The following CEP44 variants were observed in gnomAD, a reference collection of about 807,000 sequenced individuals.
CEP44 encodes centrosomal protein of 44 kDa.
A neutral mutation model predicts 46.7 loss-of-function variants in CEP44; 45 were observed. That is an observed-to-expected ratio of 0.96 (90% CI 0.76 to 1.24). The LOEUF (loss-of-function observed/expected upper bound fraction) is 1.24, where lower values mean the gene tolerates loss of function less well. Ranked by LOEUF, CEP44 falls within the 50% of genes most tolerant of loss-of-function variation. CEP44 has a pLI of 0.00. For synonymous variants in CEP44, 142 were observed against 146.0 expected (o/e 0.97, Z 0.20); for missense variants, 475 against 459.7 (o/e 1.03, Z -0.30).
intron 1 of CEP44, among the ~76,000 whole-genome samples, chr4:174,293,129 G>A (rs1738430185): frequency 6.6e-6 from 1 of 152,214 alleles, no homozygotes; most frequent in Admixed American, 6.5e-5. Context: ...AATCAGGTCT[G>A]CGGTTGTGGG....
rs779767092 is a variant in CEP44 at position 174,311,706 on chromosome 4, G to T, written c.961+848G>T. On this transcript the variant is annotated intron_variant, in intron 9 of 11. Transcript: ENST00000503780. The surrounding 1 kb of genome is among the most constrained non-coding windows in gnomAD (Gnocchi z 4.4). Reference sequence around the variant, plus strand: ...ATAAGTACTATTTTTATATTTTACAGTTGAGGAAACTGAAGTACAGCAAAA... The same window carrying T: ...ATAAGTACTATTTTTATATTTTACATTTGAGGAAACTGAAGTACAGCAAAA... 1.3e-5 allele frequency among the ~76,000 whole-genome samples: 2 copies of T among 152,100 alleles called. No homozygotes were observed. Among genetic ancestry groups the T allele is most frequent in the Non-Finnish European group, 2.9e-5 (2 of 67,992 alleles).
rs1324249739 is a variant in CEP44 at position 174,286,102 on chromosome 4, A to G, written c.-148+2159A>G. Among the ~76,000 whole-genome samples the G allele has an allele frequency of 6.6e-6, 1 of 152,226 alleles. No homozygotes were observed. The highest frequency in any genetic ancestry group is 1.9e-4 in the East Asian group (1 of 5,194). On this transcript the variant is annotated intron_variant, in intron 1 of 11. Transcript: ENST00000503780. This position sits in a 1 kb window ranked among gnomAD's most constrained non-coding sequence, Gnocchi z 5.2. ...GACTAAAATGTGCATGCACAAGTCT[A>G]TAAAGTATATTCAATAAGCTGTTGC...
chr4:174,326,993 A>C lies in CEP44; in HGVS notation c.1087-4489A>C, dbSNP rs928009213. On this transcript the variant is annotated intron_variant, in intron 8 of 8. Coordinates refer to the CEP44 transcript ENST00000426172. The surrounding 1 kb of genome is among the most constrained non-coding windows in gnomAD (Gnocchi z 4.8). ...GAGCTATGTAGAAAAACCAAAATAA[A>C]CTACAGACAGTTTTTTAGAATTAAT... Among the ~76,000 whole-genome samples, 3 of 151,846 alleles carry C rather than the reference A, an allele frequency of 2.0e-5. No homozygotes were observed. The highest frequency in any genetic ancestry group is 7.2e-5 in the African/African-American group (3 of 41,408).
chr4:174,293,642 C>T (rs1478302975), intron 1 of CEP44, among the ~76,000 whole-genome samples: 1 of 152,002 alleles, frequency 6.6e-6, no homozygotes, highest in Non-Finnish European at 1.5e-5. Flanking sequence ...GTATATTAAC[C>T]TTATATACTG....
chr4:174,316,388 G>GA (rs1741717623), intron 10 of CEP44, 98 bp downstream of exon 10: 3 of 1,399,346 alleles, frequency 2.1e-6, no homozygotes, highest in South Asian at 2.4e-5. Flanking sequence ...TAGCAAACGC[G>GA]AATCTTAGTC....
rs1334653549 is a variant in CEP44, at chr4:174,286,059, T to C, written c.-148+2116T>C. The stretch of plus-strand genomic sequence containing the variant: ...ATGTAAATGTTTAGTTGAAGTAATT[T>C]ATTGGCTGAAAAATAGTGACTAAAA... On this transcript the variant is annotated intron_variant, in intron 1 of 11. Transcript: ENST00000503780. This position sits in a 1 kb window ranked among gnomAD's most constrained non-coding sequence, Gnocchi z 5.2. Among the ~76,000 whole-genome samples the C allele has an allele frequency of 6.6e-6, 1 of 152,214 alleles. No homozygotes were observed. Among genetic ancestry groups the C allele is most frequent in the Non-Finnish European group, 1.5e-5 (1 of 68,042 alleles).
chr4:174,310,117 G>A lies in CEP44; in HGVS notation c.885+61G>A. On this transcript the variant is annotated intron_variant, in intron 8 of 11. Coordinates refer to ENST00000503780, the MANE Select transcript of CEP44 (RefSeq NM_001040157.3). The surrounding 1 kb of genome is among the most constrained non-coding windows in gnomAD (Gnocchi z 4.2). ...GATATAACAAAGTTTTTTTTTGATT[G>A]TTATATGTGTATTTTTTTGGAAATG... 3.4e-6 allele frequency: 5 copies of A among 1,449,698 alleles called. No homozygotes were observed. The highest frequency in any genetic ancestry group is 4.7e-6 in the Non-Finnish European group (5 of 1,073,322). The allele number at this position is 1,449,698 out of a possible 1,614,324, so 89.8% of individuals were successfully genotyped here.
chr4:174,328,104 G>C (rs926662866), intron 8 of CEP44, among the ~76,000 whole-genome samples: 5 of 152,268 alleles, frequency 3.3e-5, no homozygotes, highest in Admixed American at 2.6e-4. Flanking sequence ...GTGTCAGAAA[G>C]CTTAACTTAA....
rs918340957 is a variant in CEP44 at position 174,317,471 on chromosome 4, C to A, written c.*88C>A. Reference sequence around the variant, plus strand: ...TTCTTTATACAATTTTAATATACTGCAATACTGCAGTTTTTGACAATTTGG... The same window carrying A: ...TTCTTTATACAATTTTAATATACTGAAATACTGCAGTTTTTGACAATTTGG... On this transcript the variant is annotated 3_prime_UTR_variant, in exon 12 of 12. Coordinates refer to ENST00000503780, the MANE Select transcript of CEP44 (RefSeq NM_001040157.3). 1.3e-5 allele frequency: 16 copies of A among 1,263,092 alleles called. No individual in the cohort carries two copies. The highest frequency in any genetic ancestry group is 1.5e-5 in the Non-Finnish European group (15 of 983,204). 78.2% of individuals were successfully genotyped at this position (1,263,092 alleles called of 1,614,324 possible).
chr4:174,304,130 G>A, intron 5 of CEP44, 117 bp from the exon 6 acceptor site: 2 of 1,204,170 alleles, frequency 1.7e-6, no homozygotes, highest in Non-Finnish European at 1.1e-6. Flanking sequence ...TCTCATTAGA[G>A]TCTCATTATT....
Position 174,317,476 on chromosome 4 carries a change from C to T in CEP44, c.*93C>T. Reference sequence around the variant, plus strand: ...TATACAATTTTAATATACTGCAATACTGCAGTTTTTGACAATTTGGATTCC... The same window carrying T: ...TATACAATTTTAATATACTGCAATATTGCAGTTTTTGACAATTTGGATTCC... On this transcript the variant is annotated 3_prime_UTR_variant, in exon 12 of 12. Transcript: ENST00000503780. 1 of 1,247,332 alleles carries T rather than the reference C, an allele frequency of 8.0e-7. No individual in the cohort carries two copies. The highest frequency in any genetic ancestry group is 1.0e-6 in the Non-Finnish European group (1 of 972,682). 77.3% of individuals were successfully genotyped at this position (1,247,332 alleles called of 1,614,324 possible). A position where few individuals can be genotyped will look rare whatever the true frequency, so the allele number is the denominator to read the frequency against.
intron 2 of CEP44, among the ~76,000 whole-genome samples, chr4:174,298,366 G>A (rs1040785921): frequency 3.3e-5 from 5 of 151,196 alleles, no homozygotes; most frequent in East Asian, 1.9e-4. Flanking sequence ...TAGTAGAGAC[G>A]GGGTTTCACC....
intron 4 of CEP44, among the ~76,000 whole-genome samples, chr4:174,302,982 A>G (rs1015833949): frequency 6.6e-5 from 10 of 151,992 alleles, no homozygotes; most frequent in African/African-American, 2.4e-4. Context: ...GGGTTTCACC[A>G]TGTTGGCCAG....
At chr4:174,327,971 A>G (rs1235573355) in intron 8 of CEP44, among the ~76,000 whole-genome samples, 1 of 152,214 alleles carries the variant, frequency 6.6e-6, no homozygotes, top group African/African-American at 2.4e-5. Flanking sequence ...TTTGGGTGGG[A>G]AAATAGTTTT....
chr4:174,319,638 A>G lies in CEP44; in HGVS notation c.*2255A>G. On this transcript the variant is annotated 3_prime_UTR_variant, in exon 12 of 12. Transcript: ENST00000503780. ...AAATATAAGTAAGTATATATTGAAA[A>G]TATAAAATATTTCATATATGTTATC... 1.5e-6 allele frequency: 1 copy of G among 665,960 alleles called. No individual in the cohort carries two copies. Among genetic ancestry groups the G allele is most frequent in the East Asian group, 1.3e-4 (1 of 7,434 alleles). The allele number at this position is 665,960 out of a possible 1,614,324, so 41.3% of individuals were successfully genotyped here.
intron 1 of CEP44, among the ~76,000 whole-genome samples, chr4:174,296,504 T>G (rs1001852322): frequency 6.6e-6 from 1 of 152,222 alleles, no homozygotes; most frequent in Non-Finnish European, 1.5e-5. Flanking sequence ...ACTTGTCTTA[T>G]TTAAATTTTT....
intron 6 of CEP44, among the ~76,000 whole-genome samples, chr4:174,305,177 A>G (rs1740237686): frequency 6.6e-6 from 1 of 152,184 alleles, no homozygotes; most frequent in Admixed American, 6.5e-5. Context: ...TCTTGGGTCT[A>G]GCACAGTAGC....
rs1739172318 is a variant in CEP44 at position 174,297,437 on chromosome 4, T to G, written c.-147-529T>G. Among the ~76,000 whole-genome samples the G allele has an allele frequency of 6.6e-6, 1 of 152,212 alleles. No homozygotes were observed. The highest frequency in any genetic ancestry group is 2.4e-5 in the African/African-American group (1 of 41,468). ...AACATGAGTCTCTAAGAAAAAAAGGTGCCTGGTTAGGGCTTATCAATAAGT... is the reference window on the plus strand; with the variant it reads ...AACATGAGTCTCTAAGAAAAAAAGGGGCCTGGTTAGGGCTTATCAATAAGT... On this transcript the variant is annotated intron_variant, in intron 1 of 11. Transcript: ENST00000503780. This position sits in a 1 kb window ranked among gnomAD's most constrained non-coding sequence, Gnocchi z 4.3.
chr4:174,330,246 T>C (rs1460884549), intron 8 of CEP44, among the ~76,000 whole-genome samples: 1 of 152,160 alleles, frequency 6.6e-6, no homozygotes, highest in East Asian at 1.9e-4. Flanking sequence ...CCCAGCACTT[T>C]GGGAGGCCGA....
Sources: gnomAD v4.1 joint callset for allele counts (sites outside exome capture counted in the v4.1 genomes callset) on GRCh38, gnomAD v4.1.1 for gene constraint, Gnocchi (gnomAD v3.1) non-coding constraint, MANE v1.5 for transcripts, NCBI Gene and HGNC (gene_info 2026-07-23, HGNC 2026-07-21) for gene names.